RADIL: variants seen among roughly 807,000 people sequenced by gnomAD.
RADIL encodes the protein Rap associating with DIL domain, also known as ras-associating and dilute domain-containing protein.
A neutral mutation model predicts 97.6 loss-of-function variants in RADIL; 99 were observed. The ratio of observed to expected loss-of-function variants is 1.01; its 90% confidence interval spans 0.86 to 1.20. The LOEUF is 1.20. Ranked by LOEUF, RADIL falls within the 50% of genes most tolerant of loss-of-function variation. The probability of loss-of-function intolerance (pLI) is 0.00; values close to 1 mark genes in which losing one functional copy is unlikely to be tolerated. For missense variants in RADIL, 1,765 were observed against 1,498.9 expected, an observed-to-expected ratio of 1.18 and a Z score of -2.93; for synonymous variants, 803 against 691.8, an observed-to-expected ratio of 1.16 and a Z score of -2.52.
intron 5 of RADIL, among the ~76,000 whole-genome samples, chr7:4,829,533 CT>C (rs1006921946): frequency 2.0e-5 from 3 of 152,142 alleles, no homozygotes; most frequent in African/African-American, 7.2e-5. Context: ...CAATAATGGG[CT>C]TTATGGATGG....
Position 4,834,501 on chromosome 7 carries a change from T to G in RADIL, c.1416+106A>C. 5.0e-6 allele frequency: 6 copies of G among 1,196,562 alleles called. No homozygotes were observed. The highest frequency in any genetic ancestry group is 6.3e-6 in the Non-Finnish European group (6 of 953,096). 74.1% of individuals were successfully genotyped at this position (1,196,562 alleles called of 1,614,324 possible). A position where few individuals can be genotyped will look rare whatever the true frequency, so the allele number is the denominator to read the frequency against. On this transcript the variant is annotated intron_variant, in intron 4 of 14. Transcript: ENST00000399583. The surrounding 1 kb of genome is among the most constrained non-coding windows in gnomAD (Gnocchi z 6.0). ...CCCTGCGCTCAGCAGCACAGCACCG[T>G]GGGGGTCAGATAGAGGCGCTCCCGC...
intron 7 of RADIL, among the ~76,000 whole-genome samples, chr7:4,816,700 T>A (rs998077051): frequency 4.6e-5 from 7 of 151,912 alleles, no homozygotes; most frequent in African/African-American, 1.7e-4. Context: ...CTCAGGGGGA[T>A]CTGCTGTCGG....
At chr7:4,861,137 A>T in intron 2 of RADIL, 1 of 1,614,254 alleles carries the variant, frequency 6.2e-7, no homozygotes, top group Non-Finnish European at 8.5e-7. Context: ...GATGGCTCTC[A>T]GAGTCAGCCT....
In RADIL at chr7:4,819,857, G is replaced by A. The variant is rs1000092283; in HGVS notation, c.1616-2506C>T. 1.3e-5 allele frequency among the ~76,000 whole-genome samples: 2 copies of A among 152,270 alleles called. No homozygotes were observed. The highest frequency in any genetic ancestry group is 6.5e-5 in the Admixed American group (1 of 15,304). On this transcript the variant is annotated intron_variant, in intron 6 of 14. Coordinates refer to ENST00000399583, the MANE Select transcript of RADIL (RefSeq NM_018059.5). The surrounding 1 kb of genome is among the most constrained non-coding windows in gnomAD (Gnocchi z 5.8). ...TCCCTGGGCCCTGGCTCCCATCGCC[G>A]GGCCAAACACTGCTCAGGCCCCTGA...
rs537576491 is a variant in RADIL at position 4,877,844 on chromosome 7, C to T, written c.296G>A (p.Arg99Gln). Residue 99 changes from arginine (R) to glutamine (Q), a missense_variant, in exon 2 of 15, where the codon CGG (arginine) becomes CAG (glutamine). Physicochemically the swap from Arg to Gln is conservative, Grantham distance 43. Transcript: ENST00000399583. ...GGCCTGCCTGGGGTCCAGGGCGTAC[C>T]GCTCCAGCGCCTCCTTCACCAGCTC... is the stretch of plus-strand genomic sequence containing the variant. ...ARELVKEALERYALDPRQAGQ... is the reference protein window; with the variant it reads ...ARELVKEALEQYALDPRQAGQ... The T allele has an allele frequency of 1.9e-6, 3 of 1,606,608 alleles. No homozygotes were observed. Among genetic ancestry groups the T allele is most frequent in the Admixed American group, 1.7e-5 (1 of 60,008 alleles).
Position 4,801,898 on chromosome 7 carries a change from T to C in RADIL, c.2597A>G (p.Glu866Gly). The stretch of plus-strand genomic sequence containing the variant: ...AGCCCCCCTCAAGGGAAGAGTACGC[T>C]CCGGGGCCACTTCCCGGGCTGCTGG... ...PGPAAREVAP[E>G]RTLPLRGAPW... is the part of the protein sequence containing the mutation. Residue 866 changes from glutamate to glycine, a missense_variant, in exon 12 of 15, where the codon GAG becomes GGG. Coordinates refer to ENST00000399583, the MANE Select transcript of RADIL (RefSeq NM_018059.5). 6.4e-7 allele frequency: 1 copy of C among 1,574,788 alleles called. No individual in the cohort carries two copies. The highest frequency in any genetic ancestry group is 8.6e-7 in the Non-Finnish European group (1 of 1,161,080).
In RADIL at chr7:4,883,385, G is replaced by A. The variant is rs1240590637; in HGVS notation, c.-65+211C>T. 1.3e-5 allele frequency among the ~76,000 whole-genome samples: 2 copies of A among 152,060 alleles called. No individual in the cohort carries two copies. The highest frequency in any genetic ancestry group is 1.3e-4 in the Admixed American group (2 of 15,276). On this transcript the variant is annotated intron_variant, in intron 1 of 14. Coordinates refer to ENST00000399583, the MANE Select transcript of RADIL (RefSeq NM_018059.5). The surrounding 1 kb of genome is among the most constrained non-coding windows in gnomAD (Gnocchi z 7.1). The stretch of plus-strand genomic sequence containing the variant: ...CTTGCCCGCGCTAGCCGGCCTCCGG[G>A]TACCGCCCCCCGGTCCAGGCCGGGG...
At chr7:4,863,745 A>G (rs138762535) in intron 2 of RADIL, among the ~76,000 whole-genome samples, 2 of 152,264 alleles carry the variant, frequency 1.3e-5, no homozygotes, top group Non-Finnish European at 2.9e-5. Flanking sequence ...TTTTTCACTC[A>G]ATGTGTCACC....
intron 2 of RADIL, chr7:4,860,624 TCCA>T (rs1479570715): frequency 3.7e-6 from 6 of 1,614,140 alleles, no homozygotes; most frequent in Non-Finnish European, 4.2e-6. Flanking sequence ...GATCTTTGAT[TCCA>T]CCAAGCCCAC....
chr7:4,878,670 C>T lies in RADIL; in HGVS notation c.-64-467G>A, dbSNP rs1784421851. ...CGAGAGGACTAAACGGGCTGGAGCGCCCTTCAAGGAAAGCCATTACTGGGA... is the reference window on the plus strand; with the variant it reads ...CGAGAGGACTAAACGGGCTGGAGCGTCCTTCAAGGAAAGCCATTACTGGGA... On this transcript the variant is annotated intron_variant, in intron 1 of 14. Transcript: ENST00000399583. This position sits in a 1 kb window ranked among gnomAD's most constrained non-coding sequence, Gnocchi z 4.1. Among the ~76,000 whole-genome samples, 1 of 152,214 alleles carries T rather than the reference C, an allele frequency of 6.6e-6. No homozygotes were observed. The highest frequency in any genetic ancestry group is 1.5e-5 in the Non-Finnish European group (1 of 68,032).
At chr7:4,861,768 C>G in intron 2 of RADIL, 1 of 1,487,444 alleles carries the variant, frequency 6.7e-7, no homozygotes, top group Non-Finnish European at 8.9e-7. Flanking sequence ...GGCGGCGGCG[C>G]CGGCTGCGGT....
rs927415899 is a variant in RADIL at position 4,837,601 on chromosome 7, GCA to G, written c.536-998_536-997del. On this transcript the variant is annotated intron_variant, in intron 2 of 14. Transcript: ENST00000399583. This position sits in a 1 kb window ranked among gnomAD's most constrained non-coding sequence, Gnocchi z 5.6. ...AATACACATGCACCCACACAAAAAT[GCA>G]CACACACATGCACACACATGCACCC... Among the ~76,000 whole-genome samples the G allele has an allele frequency of 6.6e-6, 1 of 151,466 alleles. No homozygotes were observed. The highest frequency in any genetic ancestry group is 1.5e-5 in the Non-Finnish European group (1 of 67,870).
Position 4,815,257 on chromosome 7 carries a change from G to T in RADIL, c.2139+21C>A. 6.6e-7 allele frequency: 1 copy of T among 1,517,030 alleles called. No individual in the cohort carries two copies. Among genetic ancestry groups the T allele is most frequent in the African/African-American group, 1.4e-5 (1 of 72,164 alleles). The allele number at this position is 1,517,030 out of a possible 1,614,324, so 94.0% of individuals were successfully genotyped here. A position where few individuals can be genotyped will look rare whatever the true frequency, so the allele number is the denominator to read the frequency against. ...GGCCCCGCCCCTCCCCACACTCGCC[G>T]CCTCCCATGCGCACCCCTACCTGGA... On this transcript the variant is annotated intron_variant, in intron 9 of 14. Transcript: ENST00000399583. The surrounding 1 kb of genome is among the most constrained non-coding windows in gnomAD (Gnocchi z 8.0).
At chr7:4,827,389 G>C (rs1301222712) in intron 5 of RADIL, among the ~76,000 whole-genome samples, 1 of 151,160 alleles carries the variant, frequency 6.6e-6, no homozygotes, top group Non-Finnish European at 1.5e-5. Context: ...GCCGGGTGCG[G>C]TGGCTCACGC....
At chr7:4,809,504 C>T (rs1183638368) in intron 9 of RADIL, 1 of 985,226 alleles carries the variant, frequency 1.0e-6, no homozygotes, top group African/African-American at 1.7e-5. Context: ...GCCCCCAAAA[C>T]AAGAACAAGA....
chr7:4,801,620 T>G (rs1782088130), intron 12 of RADIL, 33 bp downstream of exon 12: 1 of 1,555,512 alleles, frequency 6.4e-7, no homozygotes, highest in Admixed American at 1.9e-5. Context: ...GGGTCTGGGG[T>G]GGGTTCCCGC....
In RADIL at chr7:4,824,289, G is replaced by A. The variant is rs537788118; in HGVS notation, c.1455-1735C>T. The stretch of plus-strand genomic sequence containing the variant: ...CAGCCCAGTGCCTGACCCCAGTCCC[G>A]GGGCAGAGCCAGGCTCAAGGCTGGA... On this transcript the variant is annotated intron_variant, in intron 5 of 14. Coordinates refer to ENST00000399583, the MANE Select transcript of RADIL (RefSeq NM_018059.5). The surrounding 1 kb of genome is among the most constrained non-coding windows in gnomAD (Gnocchi z 6.7). Among the ~76,000 whole-genome samples the A allele has an allele frequency of 2.0e-5, 3 of 152,354 alleles. No homozygotes were observed. The highest frequency in any genetic ancestry group is 2.1e-4 in the South Asian group (1 of 4,828).
chr7:4,838,274 A>G (rs1783354541), intron 2 of RADIL, among the ~76,000 whole-genome samples: 1 of 152,186 alleles, frequency 6.6e-6, no homozygotes, highest in African/African-American at 2.4e-5. Context: ...TCATTGCACA[A>G]CTATGGGGCC....
intron 2 of RADIL, 27 bp from the exon 3 acceptor site, chr7:4,836,632 C>G (rs1016642598): frequency 6.2e-7 from 1 of 1,603,434 alleles, no homozygotes; most frequent in Non-Finnish European, 8.5e-7. Context: ...ACAAGGTGAA[C>G]AGTTAGAAGT....
Sources: allele counts gnomAD v4.1 joint callset (sites outside exome capture counted in the v4.1 genomes callset), GRCh38; gene constraint gnomAD v4.1.1; non-coding constraint Gnocchi (gnomAD v3.1); transcripts MANE v1.5; gene names NCBI Gene and HGNC (gene_info 2026-07-23, HGNC 2026-07-21).